PRKN: variants seen among roughly 807,000 people sequenced by gnomAD.
The protein encoded by PRKN is E3 ubiquitin-protein ligase parkin.
PRKN carries 56 observed loss-of-function variants against 59.5 expected under a neutral mutation model. The ratio of observed to expected loss-of-function variants is 0.94; its 90% confidence interval spans 0.76 to 1.18. The LOEUF is 1.18. PRKN is among the 50% of genes most tolerant of loss of function. The probability of loss-of-function intolerance (pLI) is 0.00; values close to 1 mark genes in which losing one functional copy is unlikely to be tolerated. For missense variants in PRKN, 657 were observed against 596.4 expected (o/e 1.10, Z -1.06); for synonymous variants, 250 against 222.1 (o/e 1.13, Z -1.12).
At position 161,402,184 on chromosome 6, in the gene PRKN, T is replaced by C. The variant is rs966436602; in HGVS notation, c.1084-15307A>G. Among the ~76,000 whole-genome samples the C allele has an allele frequency of 6.6e-6, 1 of 151,882 alleles. No homozygotes were observed. The highest frequency in any genetic ancestry group is 1.5e-5 in the Non-Finnish European group (1 of 67,974). ...AAGATAACTCATGCCTCGGGGGTCG[T>C]GAGCAGGAGGTGAAGCCAAATGCCT... On this transcript the variant is annotated intron_variant, in intron 9 of 11. Transcript: ENST00000366898. The surrounding 1 kb of genome is among the most constrained non-coding windows in gnomAD (Gnocchi z 4.5).
chr6:161,929,412 A>G (rs573390151), intron 6 of PRKN, among the ~76,000 whole-genome samples: 2 of 151,970 alleles, frequency 1.3e-5, no homozygotes, highest in Non-Finnish European at 2.9e-5. Flanking sequence ...GGTGATGAAA[A>G]TATTTTGAAA....
At chr6:161,743,838 C>T (rs1162758955) in intron 7 of PRKN, among the ~76,000 whole-genome samples, 1 of 152,178 alleles carries the variant, frequency 6.6e-6, no homozygotes, top group Admixed American at 6.5e-5. Context: ...AATAAATCAT[C>T]GAGAAGTCTG....
chr6:162,669,344 ATCT>A (rs1779231482), intron 1 of PRKN, among the ~76,000 whole-genome samples: 1 of 152,184 alleles, frequency 6.6e-6, no homozygotes, highest in South Asian at 2.1e-4. Flanking sequence ...TAAGTGTTGT[ATCT>A]TCTTGAGTCA....
At position 161,684,638 on chromosome 6, in the gene PRKN, A is replaced by G. The variant is rs549740691; in HGVS notation, c.871+101134T>C. ...GAAAATGTATAGAGAAATGACCTGG[A>G]AATAATGACCATTCTAAAGACACAT... is the stretch of plus-strand genomic sequence containing the variant. On this transcript the variant is annotated intron_variant, in intron 7 of 11. Coordinates refer to ENST00000366898, the MANE Select transcript of PRKN (RefSeq NM_004562.3). 2.6e-5 allele frequency among the ~76,000 whole-genome samples: 4 copies of G among 152,328 alleles called. No homozygotes were observed. In the East Asian group the frequency reaches 7.7e-4, roughly 29 times the overall value.
At chr6:162,391,768 G>T (rs1181920414) in intron 2 of PRKN, among the ~76,000 whole-genome samples, 1 of 152,136 alleles carries the variant, frequency 6.6e-6, no homozygotes, top group Non-Finnish European at 1.5e-5. Flanking sequence ...AGCCCTCCTG[G>T]CATTCTGCCT....
chr6:162,302,249 T>C (rs776921690), intron 2 of PRKN, among the ~76,000 whole-genome samples: 1 of 152,130 alleles, frequency 6.6e-6, no homozygotes. Context: ...AGGTAGATGC[T>C]CAACCTTATT....
intron 2 of PRKN, among the ~76,000 whole-genome samples, chr6:162,322,364 T>G (rs998110730): frequency 3.9e-5 from 6 of 152,230 alleles, no homozygotes; most frequent in African/African-American, 1.4e-4. Context: ...TATTAAAATG[T>G]CATTATTCCC....
Position 161,456,232 on chromosome 6 carries a change from G to A in PRKN, c.1084-69355C>T, listed in dbSNP as rs1489443427. 6.6e-6 allele frequency among the ~76,000 whole-genome samples: 1 copy of A among 152,290 alleles called. No individual in the cohort carries two copies. ...CAGTCAGGATGGGCGAAATTGAATC[G>A]GCTGCCAGTGCAGCTAAGATAAAAG... On this transcript the variant is annotated intron_variant, in intron 9 of 11. Coordinates refer to ENST00000366898, the MANE Select transcript of PRKN (RefSeq NM_004562.3). The surrounding 1 kb of genome is among the most constrained non-coding windows in gnomAD (Gnocchi z 4.8).
At chr6:162,231,743 A>G (rs1778427746) in intron 3 of PRKN, among the ~76,000 whole-genome samples, 1 of 152,210 alleles carries the variant, frequency 6.6e-6, no homozygotes, top group Non-Finnish European at 1.5e-5. Context: ...AGAGTTACCT[A>G]TTCATTCCCA....
chr6:161,730,129 T>A (rs1388445805), intron 7 of PRKN, among the ~76,000 whole-genome samples: 5 of 152,094 alleles, frequency 3.3e-5, no homozygotes, highest in African/African-American at 1.2e-4. Context: ...TGTGTTGCAT[T>A]CTGATGTGTT....
chr6:162,481,359 G>A (rs1024351776), intron 1 of PRKN, among the ~76,000 whole-genome samples: 1 of 152,074 alleles, frequency 6.6e-6, no homozygotes, highest in Admixed American at 6.6e-5. Flanking sequence ...AATACTATTA[G>A]CTAATTATTC....
intron 5 of PRKN, among the ~76,000 whole-genome samples, chr6:161,988,919 TA>T (rs572238787): frequency 1.3e-5 from 2 of 152,342 alleles, no homozygotes; most frequent in South Asian, 2.1e-4. Flanking sequence ...AGCTGATTTT[TA>T]AAAAAATATT....
rs559182808 is a variant in PRKN, at chr6:161,396,334, T to C, written c.1084-9457A>G. 1.3e-5 allele frequency among the ~76,000 whole-genome samples: 2 copies of C among 152,262 alleles called. No homozygotes were observed. Among genetic ancestry groups the C allele is most frequent in the African/African-American group, 4.8e-5 (2 of 41,526 alleles). ...ACCATCCTGTTCATCTAAACAAACT[T>C]CTTGGCGGGCAAATTTCAATATCTA... On this transcript the variant is annotated intron_variant, in intron 9 of 11. Coordinates refer to ENST00000366898, the MANE Select transcript of PRKN (RefSeq NM_004562.3). This position sits in a 1 kb window ranked among gnomAD's most constrained non-coding sequence, Gnocchi z 5.4.
chr6:161,590,321 G>T (rs536714960), intron 7 of PRKN, among the ~76,000 whole-genome samples: 5 of 152,160 alleles, frequency 3.3e-5, no homozygotes, highest in Admixed American at 6.5e-5. Context: ...AACTTGGTTG[G>T]GTACGGTGGA....
chr6:162,299,257 C>G (rs185572592), intron 2 of PRKN, among the ~76,000 whole-genome samples: 2 of 152,094 alleles, frequency 1.3e-5, no homozygotes, highest in Non-Finnish European at 2.9e-5. Context: ...TGTGAGCTCC[C>G]GACTTAGATT....
chr6:161,410,548 A>T lies in PRKN; in HGVS notation c.1084-23671T>A, dbSNP rs1400685623. 6.6e-6 allele frequency among the ~76,000 whole-genome samples: 1 copy of T among 152,124 alleles called. No individual in the cohort carries two copies. The highest frequency in any genetic ancestry group is 2.4e-5 in the African/African-American group (1 of 41,426). On this transcript the variant is annotated intron_variant, in intron 9 of 11. Transcript: ENST00000366898. This position sits in a 1 kb window ranked among gnomAD's most constrained non-coding sequence, Gnocchi z 5.3. ...CCTGCTCCTGGCAGATACTCTAAGG[A>T]GCCCGGGTCTGAGCTGGACACACAC...
chr6:162,507,656 A>C (rs996527847), intron 1 of PRKN, among the ~76,000 whole-genome samples: 1 of 152,226 alleles, frequency 6.6e-6, no homozygotes, highest in African/African-American at 2.4e-5. Context: ...TATAGGATTT[A>C]TGAAAGCCTA....
Position 161,428,819 on chromosome 6 carries a change from C to T in PRKN, c.1084-41942G>A, listed in dbSNP as rs1788511950. ...TCATGTATTTCAAGTCATGTTTTTG[C>T]AGGCAGATGACTGTGTAAGTCCTAC... On this transcript the variant is annotated intron_variant, in intron 9 of 11. Coordinates refer to ENST00000366898, the MANE Select transcript of PRKN (RefSeq NM_004562.3). The surrounding 1 kb of genome is among the most constrained non-coding windows in gnomAD (Gnocchi z 4.0). Among the ~76,000 whole-genome samples the T allele has an allele frequency of 6.6e-6, 1 of 152,176 alleles. No individual in the cohort carries two copies. The highest frequency in any genetic ancestry group is 6.5e-5 in the Admixed American group (1 of 15,276).
In PRKN at chr6:161,359,165, T is replaced by A. The variant is rs533121099; in HGVS notation, c.1285+923A>T. Among the ~76,000 whole-genome samples the A allele has an allele frequency of 2.6e-5, 4 of 152,156 alleles. No homozygotes were observed. The highest frequency in any genetic ancestry group is 6.5e-5 in the Admixed American group (1 of 15,274). ...AGCACTGCTGCATGCAATGGAGTAA[T>A]AAGGACACGCTGGGTAAATTATTTA... On this transcript the variant is annotated intron_variant, in intron 11 of 11. Coordinates refer to ENST00000366898, the MANE Select transcript of PRKN (RefSeq NM_004562.3). The surrounding 1 kb of genome is among the most constrained non-coding windows in gnomAD (Gnocchi z 5.4).
Sources: allele counts gnomAD v4.1 joint callset (sites outside exome capture counted in the v4.1 genomes callset), GRCh38; gene constraint gnomAD v4.1.1; non-coding constraint Gnocchi (gnomAD v3.1); transcripts MANE v1.5; gene names NCBI Gene and HGNC (gene_info 2026-07-23, HGNC 2026-07-21).